PARP4: variants seen among roughly 807,000 people sequenced by gnomAD.
PARP4 encodes protein mono-ADP-ribosyltransferase PARP4.
In PARP4, 120 loss-of-function variants were observed where a neutral mutation model predicts 187.7. That is an observed-to-expected ratio of 0.64 (90% confidence interval 0.55 to 0.74). The LOEUF is 0.74. Among genes scored for constraint, PARP4 ranks in the 30% least tolerant of loss-of-function variants. The pLI is 0.00. For missense variants in PARP4, 1,836 were observed against 2,070.5 expected (o/e 0.89, Z 2.20); for synonymous variants, 654 against 740.9 (o/e 0.88, Z 1.90).
intron 24 of PARP4, among the ~76,000 whole-genome samples, chr13:24,450,690 G>A (rs115880424): frequency 6.6e-6 from 1 of 151,244 alleles, no homozygotes; most frequent in East Asian, 2.0e-4. Context: ...ACTAGAGTTT[G>A]TAATTGCAAA....
rs551091368 is a variant in PARP4 at position 24,440,119 on chromosome 13, A to G, written c.3666+1727T>C. 2.6e-5 allele frequency among the ~76,000 whole-genome samples: 4 copies of G among 152,306 alleles called. No homozygotes were observed. In the South Asian group the frequency reaches 8.3e-4, roughly 32 times the overall value. On this transcript the variant is annotated intron_variant, in intron 30 of 33. Coordinates refer to ENST00000381989, the MANE Select transcript of PARP4 (RefSeq NM_006437.4). ...AATATACAAAAGGGTGCACTGTAAG[A>G]AAGCAAGGCTGGGGACAGTGGCCCA...
intron 12 of PARP4, among the ~76,000 whole-genome samples, chr13:24,479,157 A>C (rs1873133224): frequency 6.6e-6 from 1 of 152,176 alleles, no homozygotes; most frequent in Admixed American, 6.5e-5. Flanking sequence ...AGACTAGGAC[A>C]CACCTTTGGA....
At chr13:24,457,621 T>C (rs770937647) in intron 20 of PARP4, among the ~76,000 whole-genome samples, 1 of 151,066 alleles carries the variant, frequency 6.6e-6, no homozygotes, top group Non-Finnish European at 1.5e-5. Context: ...AAATAGAAAA[T>C]TTAGCTGGGC....
intron 24 of PARP4, 77 bp from the exon 25 acceptor site, chr13:24,449,894 G>T: frequency 1.2e-6 from 1 of 837,006 alleles, no homozygotes; most frequent in Non-Finnish European, 2.0e-6. Flanking sequence ...TGTTGAGAAA[G>T]CTCACAACTC....
intron 20 of PARP4, among the ~76,000 whole-genome samples, chr13:24,458,615 ATAT>A (rs1421108857): frequency 6.6e-6 from 1 of 152,130 alleles, no homozygotes; most frequent in Admixed American, 6.6e-5. Flanking sequence ...ACTCATCATA[ATAT>A]TATACATTTC....
At chr13:24,442,291 A>C (rs1158776052) in intron 29 of PARP4, among the ~76,000 whole-genome samples, 4 of 152,166 alleles carry the variant, frequency 2.6e-5, no homozygotes, top group Non-Finnish European at 5.9e-5. Context: ...AAAGACAATA[A>C]ACGCCAAAAC....
intron 7 of PARP4, 40 bp downstream of exon 7, chr13:24,494,533 A>ATTC: frequency 1.9e-6 from 3 of 1,541,694 alleles, no homozygotes; most frequent in Non-Finnish European, 1.8e-6. Flanking sequence ...TCTATTAAAA[A>ATTC]TATTCAATCA....
At chr13:24,506,406 C>G (rs1233180692) in intron 1 of PARP4, among the ~76,000 whole-genome samples, 1 of 152,146 alleles carries the variant, frequency 6.6e-6, no homozygotes, top group Non-Finnish European at 1.5e-5. Context: ...AGGACCCCAG[C>G]AGGTTGCCAC....
At position 24,447,070 on chromosome 13, in the gene PARP4, G is replaced by A. The variant is rs57834615; in HGVS notation, c.3231C>T (p.Ser1077=). The change falls in exon 26 of 34, where the codon TCC becomes TCT. Residue 1077 remains serine (S), a synonymous_variant. Transcript: ENST00000381989. The stretch of plus-strand genomic sequence containing the variant: ...CAAGGAGTCGATCATTGAGAAACAA[G>A]GACGGCACCTGGGCTGGGGCCTGCA... ...EALQAPAQVP[S]LFLNDRLLVY... is the part of the protein sequence containing the mutation. 2.3e-3 allele frequency: 3,631 copies of A among 1,609,168 alleles called. 69 individuals carry two copies. The African/African-American group carries it at 0.043, about 19-fold the overall frequency.
chr13:24,472,006 C>T (rs1056553328), intron 15 of PARP4, among the ~76,000 whole-genome samples: 3 of 152,162 alleles, frequency 2.0e-5, no homozygotes, highest in African/African-American at 7.2e-5. Flanking sequence ...GCCTTACAAA[C>T]TCCGGATCCT....
intron 33 of PARP4, among the ~76,000 whole-genome samples, chr13:24,425,611 A>ATG (rs1870011902): frequency 7.5e-6 from 1 of 132,844 alleles, no homozygotes. Context: ...ATATCTATAT[A>ATG]TCTCAGAGGG....
chr13:24,425,567 GTGTATATCTATATCTATATC>G (rs1869999118), intron 33 of PARP4, among the ~76,000 whole-genome samples: 1 of 142,384 alleles, frequency 7.0e-6, no homozygotes, highest in South Asian at 2.2e-4. Flanking sequence ...GTGTGTGTGT[GTGTATATCTATATCTATATC>G]TATATCTATA....
chr13:24,508,310 T>G (rs997445703), intron 1 of PARP4, among the ~76,000 whole-genome samples: 1 of 152,206 alleles, frequency 6.6e-6, no homozygotes, highest in Admixed American at 6.5e-5. Flanking sequence ...CAAGTCCACC[T>G]TCAGATGGGT....
intron 10 of PARP4, among the ~76,000 whole-genome samples, chr13:24,487,422 G>C (rs1873623897): frequency 6.6e-6 from 1 of 152,188 alleles, no homozygotes; most frequent in East Asian, 1.9e-4. Context: ...TGATGGGTTG[G>C]ATGGGGCAGG....
At chr13:24,495,771 A>G (rs951546952) in intron 6 of PARP4, among the ~76,000 whole-genome samples, 1 of 152,244 alleles carries the variant, frequency 6.6e-6, no homozygotes, top group Non-Finnish European at 1.5e-5. Flanking sequence ...TGCCTCTGAA[A>G]CTTGGAAAAT....
intron 33 of PARP4, among the ~76,000 whole-genome samples, chr13:24,425,771 TC>T (rs1288031434): frequency 1.3e-5 from 2 of 152,028 alleles, no homozygotes; most frequent in Non-Finnish European, 2.9e-5. Flanking sequence ...TCCAGGGTCT[TC>T]CCTGGTCTGT....
chr13:24,476,262 T>G (rs1186650796), intron 14 of PARP4, among the ~76,000 whole-genome samples: 2 of 152,068 alleles, frequency 1.3e-5, no homozygotes, highest in African/African-American at 4.8e-5. Flanking sequence ...TACAGACATG[T>G]GCTCTTCTGC....
Position 24,503,694 on chromosome 13 carries a change from G to C in PARP4, c.83C>G (p.Thr28Ser). The C allele has an allele frequency of 6.2e-7, 1 of 1,613,892 alleles. No homozygotes were observed. Among genetic ancestry groups the C allele is most frequent in the Non-Finnish European group, 8.5e-7 (1 of 1,179,940 alleles). Residue 28 changes from threonine to serine, a missense_variant, in exon 2 of 34, where the codon ACT (threonine) becomes AGT (serine). Physicochemically the swap from Thr to Ser is moderately conservative, Grantham distance 58 (BLOSUM62 1). Coordinates refer to ENST00000381989, the MANE Select transcript of PARP4 (RefSeq NM_006437.4). ...LPQQQKKKLQTDIKENGGKFS... is the reference protein window; with the variant it reads ...LPQQQKKKLQSDIKENGGKFS... ...CTTTCCGCCATTTTCCTTAATGTCAGTTTGTAGCTTTTTCTTCTGCTGCTG... is the reference window on the plus strand; with the variant it reads ...CTTTCCGCCATTTTCCTTAATGTCACTTTGTAGCTTTTTCTTCTGCTGCTG...
intron 9 of PARP4, among the ~76,000 whole-genome samples, chr13:24,491,168 T>C (rs1868627598): frequency 6.6e-6 from 1 of 152,074 alleles, no homozygotes; most frequent in African/African-American, 2.4e-5. Context: ...TTGACCAGGC[T>C]GGAGTGCAGT....
Sources: gnomAD v4.1 joint callset for allele counts (sites outside exome capture counted in the v4.1 genomes callset) on GRCh38, gnomAD v4.1.1 for gene constraint, MANE v1.5 for transcripts, NCBI Gene and HGNC (gene_info 2026-07-23, HGNC 2026-07-21) for gene names.